The following CAMTA1 variants were observed in gnomAD, a reference collection of about 807,000 sequenced individuals.
CAMTA1 encodes calmodulin-binding transcription activator 1.
A neutral mutation model predicts 170.9 loss-of-function variants in CAMTA1; 27 were observed. That is an observed-to-expected ratio of 0.16 (90% CI 0.12 to 0.22). The LOEUF is 0.22. Ranked by LOEUF, CAMTA1 falls within the 10% of genes least tolerant of loss-of-function variation. The probability of loss-of-function intolerance (pLI) is 1.00; values close to 1 mark genes in which losing one functional copy is unlikely to be tolerated. For missense variants in CAMTA1, 1,619 were observed against 2,217.2 expected, an observed-to-expected ratio of 0.73 and a Z score of 5.42; for synonymous variants, 833 against 891.5, an observed-to-expected ratio of 0.93 and a Z score of 1.17.
At chr1:7,656,392 G>T (rs1241653151) in intron 7 of CAMTA1, among the ~76,000 whole-genome samples, 1 of 152,184 alleles carries the variant, frequency 6.6e-6, no homozygotes, top group Non-Finnish European at 1.5e-5. Context: ...AGGCACTCCT[G>T]GTGTCTCCTC....
intron 3 of CAMTA1, among the ~76,000 whole-genome samples, chr1:6,982,638 G>A (rs1027673262): frequency 1.3e-5 from 2 of 151,892 alleles, no homozygotes; most frequent in African/African-American, 4.9e-5. Flanking sequence ...AAAGTCACAG[G>A]CAGCATGGCC....
chr1:7,661,920 C>T, intron 8 of CAMTA1, 54 bp downstream of exon 8: 1 of 1,547,270 alleles, frequency 6.5e-7, no homozygotes, highest in East Asian at 2.4e-5. Context: ...GGGGCCCTAC[C>T]AGGCAGCCGT....
chr1:7,375,917 C>G (rs2086810729), intron 5 of CAMTA1, among the ~76,000 whole-genome samples: 1 of 152,192 alleles, frequency 6.6e-6, no homozygotes, highest in South Asian at 2.1e-4. Context: ...GGACAGGAAG[C>G]AGCGGACTGG....
chr1:7,623,056 C>G (rs1399110864), intron 6 of CAMTA1, among the ~76,000 whole-genome samples: 2 of 152,238 alleles, frequency 1.3e-5, no homozygotes, highest in Non-Finnish European at 2.9e-5. Flanking sequence ...TCCTCAGAGG[C>G]CTTCTCAAGC....
At chr1:7,306,158 A>G (rs1037965981) in intron 5 of CAMTA1, among the ~76,000 whole-genome samples, 1 of 151,936 alleles carries the variant, frequency 6.6e-6, no homozygotes, top group Non-Finnish European at 1.5e-5. Flanking sequence ...TCTTTTATGG[A>G]TTCTGTTTTT....
intron 6 of CAMTA1, among the ~76,000 whole-genome samples, chr1:7,485,643 T>C (rs1418934376): frequency 6.6e-6 from 1 of 152,090 alleles, no homozygotes. Context: ...GGAGAGCCCC[T>C]CCCACTGAGT....
chr1:7,572,597 G>T (rs1459259587), intron 6 of CAMTA1, among the ~76,000 whole-genome samples: 1 of 152,130 alleles, frequency 6.6e-6, no homozygotes, highest in Non-Finnish European at 1.5e-5. Context: ...TGAATAAAGA[G>T]TTCTTTCCCC....
At chr1:6,976,030 A>G (rs1693362767) in intron 3 of CAMTA1, among the ~76,000 whole-genome samples, 1 of 152,226 alleles carries the variant, frequency 6.6e-6, no homozygotes. Context: ...GACAGAGACC[A>G]GAGCATCTTG....
chr1:7,731,532 AT>A (rs2096733054), intron 11 of CAMTA1, among the ~76,000 whole-genome samples: 1 of 150,896 alleles, frequency 6.6e-6, no homozygotes, highest in South Asian at 2.1e-4. Context: ...AGATTGCGCC[AT>A]TGCACTCCAG....
intron 3 of CAMTA1, among the ~76,000 whole-genome samples, chr1:7,029,653 A>G (rs924768930): frequency 2.6e-5 from 4 of 152,122 alleles, no homozygotes; most frequent in Non-Finnish European, 5.9e-5. Context: ...CTTCTCTAGA[A>G]CAATGTTTCT....
intron 1 of CAMTA1, among the ~76,000 whole-genome samples, chr1:6,797,015 G>C (rs188616747): frequency 6.6e-6 from 1 of 152,344 alleles, no homozygotes; most frequent in South Asian, 2.1e-4. Context: ...AATAATGCAT[G>C]ATTAGAATTG....
intron 3 of CAMTA1, among the ~76,000 whole-genome samples, chr1:7,009,591 A>G (rs989491344): frequency 6.6e-6 from 1 of 152,200 alleles, no homozygotes; most frequent in African/African-American, 2.4e-5. Flanking sequence ...AGCCTCAGAA[A>G]GGGGCAAGCA....
intron 6 of CAMTA1, among the ~76,000 whole-genome samples, chr1:7,476,799 C>A (rs1021856957): frequency 3.3e-5 from 5 of 152,192 alleles, no homozygotes; most frequent in African/African-American, 9.7e-5. Context: ...AGTGGCCATC[C>A]TCATCCTCAT....
intron 4 of CAMTA1, among the ~76,000 whole-genome samples, chr1:7,107,278 ATG>A (rs148905936): frequency 1.4e-5 from 2 of 142,332 alleles, no homozygotes; most frequent in African/African-American, 2.7e-5. Context: ...GTGTGTGTGC[ATG>A]TGTGTGTGTG....
At chr1:7,104,871 A>G (rs1643422589) in intron 4 of CAMTA1, among the ~76,000 whole-genome samples, 1 of 152,210 alleles carries the variant, frequency 6.6e-6, no homozygotes, top group Non-Finnish European at 1.5e-5. Context: ...ATTCTTAGAT[A>G]TAATTGCCAA....
At chr1:7,604,605 C>G (rs2095471693) in intron 6 of CAMTA1, among the ~76,000 whole-genome samples, 2 of 152,090 alleles carry the variant, frequency 1.3e-5, no homozygotes, top group South Asian at 4.1e-4. Flanking sequence ...AGGTTTTTAA[C>G]TTCTTTGCCA....
chr1:6,947,865 T>G (rs1345110797), intron 3 of CAMTA1, among the ~76,000 whole-genome samples: 1 of 152,250 alleles, frequency 6.6e-6, no homozygotes, highest in Non-Finnish European at 1.5e-5. Flanking sequence ...TTTTGTTTGT[T>G]GATCTTGTAT....
At chr1:7,257,068 T>G (rs1030313129) in intron 5 of CAMTA1, among the ~76,000 whole-genome samples, 7 of 112,000 alleles carry the variant, frequency 6.3e-5, no homozygotes, top group African/African-American at 2.1e-4. Flanking sequence ...CCACATACCA[T>G]CGCATGGCGG....
chr1:7,672,223 G>A (rs74053185), intron 10 of CAMTA1: 3 of 378,440 alleles, frequency 7.9e-6, no homozygotes, highest in East Asian at 7.3e-5. Flanking sequence ...GGAAAGGTAC[G>A]GGGTGGGAGT....
Sources: gnomAD v4.1 joint callset for allele counts (sites outside exome capture counted in the v4.1 genomes callset) on GRCh38, gnomAD v4.1.1 for gene constraint, MANE v1.5 for transcripts, NCBI Gene and HGNC (gene_info 2026-07-23, HGNC 2026-07-21) for gene names.